TTBK2: variants seen among roughly 807,000 people sequenced by gnomAD.
The protein encoded by TTBK2 is tau-tubulin kinase 2.
In TTBK2, 28 loss-of-function variants were observed where a neutral mutation model predicts 110.8. That is an observed-to-expected ratio of 0.25 (90% CI 0.19 to 0.35). TTBK2 has a LOEUF of 0.35. Ranked by LOEUF, TTBK2 falls within the 10% of genes least tolerant of loss-of-function variation. The pLI, the probability that TTBK2 is intolerant of heterozygous loss-of-function variation, is 1.00. For missense variants in TTBK2, 1,369 were observed against 1,500.3 expected (o/e 0.91, Z 1.45); for synonymous variants, 532 against 527.3 (o/e 1.01, Z -0.12).
At chr15:42,907,627 T>C (rs1300360601) in intron 1 of TTBK2, among the ~76,000 whole-genome samples, 2 of 151,702 alleles carry the variant, frequency 1.3e-5, no homozygotes, top group African/African-American at 4.8e-5. Flanking sequence ...CTCATGAAGA[T>C]AGAGAGTAGA....
At chr15:42,879,993 T>A in intron 1 of TTBK2, among the ~76,000 whole-genome samples, 1 of 131,048 alleles carries the variant, frequency 7.6e-6, no homozygotes, top group African/African-American at 2.9e-5. Flanking sequence ...GAAGATCCTG[T>A]CTCAAAAAAA....
intron 1 of TTBK2, among the ~76,000 whole-genome samples, chr15:42,909,050 T>C (rs1365661091): frequency 6.6e-6 from 1 of 152,242 alleles, no homozygotes; most frequent in Non-Finnish European, 1.5e-5. Context: ...GCTAAAGCTC[T>C]AGGGAGAATT....
intron 14 of TTBK2, 94 bp from the exon 15 acceptor site, chr15:42,746,351 G>A: frequency 2.0e-6 from 2 of 982,586 alleles, no homozygotes; most frequent in Non-Finnish European, 3.0e-6. Flanking sequence ...TGAATGTGTA[G>A]AAATCAGAAA....
At chr15:42,751,548 C>T (rs574198540) in intron 14 of TTBK2, among the ~76,000 whole-genome samples, 2 of 152,204 alleles carry the variant, frequency 1.3e-5, no homozygotes, top group Admixed American at 6.5e-5. Context: ...ACCAGCCTGC[C>T]CAACATAGCG....
At chr15:42,894,852 C>A (rs971394576) in intron 1 of TTBK2, among the ~76,000 whole-genome samples, 1 of 152,122 alleles carries the variant, frequency 6.6e-6, no homozygotes, top group African/African-American at 2.4e-5. Context: ...ATACATAAAA[C>A]GAATAATACA....
chr15:42,832,978 C>A (rs1892825187), intron 4 of TTBK2, among the ~76,000 whole-genome samples: 1 of 151,920 alleles, frequency 6.6e-6, no homozygotes, highest in African/African-American at 2.4e-5. Context: ...GATATGCAGT[C>A]ATTCAAAAAA....
chr15:42,830,955 A>G (rs1289550801), intron 4 of TTBK2, among the ~76,000 whole-genome samples: 1 of 151,900 alleles, frequency 6.6e-6, no homozygotes, highest in Non-Finnish European at 1.5e-5. Context: ...CAGTGAGCCA[A>G]GATCACGCCA....
At chr15:42,847,396 A>C (rs1893513646) in intron 3 of TTBK2, among the ~76,000 whole-genome samples, 1 of 152,094 alleles carries the variant, frequency 6.6e-6, no homozygotes, top group South Asian at 2.1e-4. Context: ...TCTCTTCATA[A>C]TGTCTTTTGG....
At chr15:42,818,677 G>A (rs1183841855) in intron 6 of TTBK2, among the ~76,000 whole-genome samples, 1 of 152,014 alleles carries the variant, frequency 6.6e-6, no homozygotes, top group Non-Finnish European at 1.5e-5. Context: ...CGGAGATCGC[G>A]CCACTGCACT....
intron 13 of TTBK2, among the ~76,000 whole-genome samples, chr15:42,774,281 C>T (rs553078697): frequency 6.6e-6 from 1 of 152,280 alleles, no homozygotes; most frequent in South Asian, 2.1e-4. Flanking sequence ...TAGCTCTCAT[C>T]ACATAAGGAC....
chr15:42,897,510 G>A (rs1298036698), intron 1 of TTBK2, among the ~76,000 whole-genome samples: 1 of 152,038 alleles, frequency 6.6e-6, no homozygotes, highest in Admixed American at 6.6e-5. Flanking sequence ...TAGACAGGGT[G>A]GGAAAAAGAT....
intron 1 of TTBK2, among the ~76,000 whole-genome samples, chr15:42,892,682 A>G (rs1895504173): frequency 7.7e-6 from 1 of 130,640 alleles, no homozygotes; most frequent in African/African-American, 2.9e-5. Flanking sequence ...TCTAGCCTGG[A>G]TGACAGAGCA....
chr15:42,798,926 T>A (rs962070686), intron 9 of TTBK2, among the ~76,000 whole-genome samples: 1 of 152,130 alleles, frequency 6.6e-6, no homozygotes, highest in Admixed American at 6.5e-5. Context: ...AGGTTGAGCA[T>A]CCCAAATCTG....
chr15:42,819,095 T>G (rs1225178842), intron 6 of TTBK2, among the ~76,000 whole-genome samples: 1 of 147,214 alleles, frequency 6.8e-6, no homozygotes, highest in Non-Finnish European at 1.5e-5. Context: ...AATTTTTGGG[T>G]TTTTTTTTTC....
At chr15:42,775,091 C>T in intron 13 of TTBK2, 44 bp downstream of exon 13, 1 of 1,590,558 alleles carries the variant, frequency 6.3e-7, no homozygotes, top group Non-Finnish European at 8.6e-7. Flanking sequence ...TTAATAGCAC[C>T]TTGAGTGGAT....
At chr15:42,788,285 A>G (rs1266667567) in intron 10 of TTBK2, among the ~76,000 whole-genome samples, 1 of 152,156 alleles carries the variant, frequency 6.6e-6, no homozygotes, top group African/African-American at 2.4e-5. Flanking sequence ...TTATGGAACT[A>G]CTTACATGTT....
At chr15:42,867,700 TG>T (rs2141102651) in intron 3 of TTBK2, among the ~76,000 whole-genome samples, 1 of 152,282 alleles carries the variant, frequency 6.6e-6, no homozygotes, top group East Asian at 1.9e-4. Context: ...GGTGAGGATG[TG>T]GAACAACAGG....
At chr15:42,849,236 C>G (rs1210150743) in intron 3 of TTBK2, among the ~76,000 whole-genome samples, 6 of 152,010 alleles carry the variant, frequency 3.9e-5, no homozygotes, top group Admixed American at 1.3e-4. Flanking sequence ...AATCTTTCAT[C>G]TATCATGTCC....
chr15:42,840,509 A>G (rs529531502), intron 3 of TTBK2, 76 bp from the exon 4 acceptor site: 1 of 1,267,228 alleles, frequency 7.9e-7, no homozygotes, highest in African/African-American at 1.5e-5. Context: ...GCTTTTCTGT[A>G]TAGTGTTTTA....
Sources: gnomAD v4.1 joint callset for allele counts (sites outside exome capture counted in the v4.1 genomes callset) on GRCh38, gnomAD v4.1.1 for gene constraint, MANE v1.5 for transcripts, NCBI Gene and HGNC (gene_info 2026-07-23, HGNC 2026-07-21) for gene names.